Variants in SGSM1 observed in about 807,000 individuals in gnomAD.
SGSM1 encodes RUN and TBC1 domain containing 2.
A neutral mutation model predicts 133.8 loss-of-function variants in SGSM1; 73 were observed. The observed-to-expected ratio is 0.55, with a 90% CI of 0.45 to 0.66. The LOEUF is 0.66. SGSM1 is among the 30% of genes least tolerant of loss of function. SGSM1 has a pLI of 0.00. For synonymous variants in SGSM1, 563 were observed against 573.0 expected, an observed-to-expected ratio of 0.98 and a Z score of 0.25; for missense variants, 1,213 against 1,448.1, an observed-to-expected ratio of 0.84 and a Z score of 2.64.
intron 16 of SGSM1, among the ~76,000 whole-genome samples, chr22:24,891,417 G>A (rs1439235336): frequency 1.3e-5 from 2 of 152,304 alleles, no homozygotes; most frequent in African/African-American, 2.4e-5. Context: ...GGGAAGCATA[G>A]GAGCACCAGA....
At chr22:24,872,862 T>A (rs971434291) in intron 12 of SGSM1, among the ~76,000 whole-genome samples, 4 of 151,692 alleles carry the variant, frequency 2.6e-5, no homozygotes. Context: ...GAGGTTTTGG[T>A]GAGCCGAGAT....
At chr22:24,818,722 T>C (rs1394590139) in intron 2 of SGSM1, among the ~76,000 whole-genome samples, 2 of 152,136 alleles carry the variant, frequency 1.3e-5, no homozygotes, top group Non-Finnish European at 2.9e-5. Context: ...ACACTGGGTC[T>C]GTAACTCCCT....
At chr22:24,836,188 G>C (rs58044190) in intron 2 of SGSM1, among the ~76,000 whole-genome samples, 22,771 of 152,072 alleles carry the variant, frequency 0.15, 1,968 homozygotes, top group East Asian at 0.21. Context: ...CCTCTTATAA[G>C]TGGAATCATG....
chr22:24,871,939 G>A (rs1249462553), intron 12 of SGSM1, among the ~76,000 whole-genome samples: 2 of 152,176 alleles, frequency 1.3e-5, no homozygotes, highest in Admixed American at 1.3e-4. Context: ...GCCTAAATCA[G>A]AAGTCAACAA....
intron 8 of SGSM1, 131 bp downstream of exon 8, chr22:24,855,811 C>T (rs766947422): frequency 2.2e-4 from 283 of 1,303,904 alleles, no homozygotes; most frequent in Middle Eastern, 2.0e-3. Context: ...CACATCCACC[C>T]GCCCAACACT....
chr22:24,876,836 T>C (rs1336761846), intron 13 of SGSM1, 121 bp downstream of exon 13: 4 of 1,313,888 alleles, frequency 3.0e-6, no homozygotes, highest in African/African-American at 2.9e-5. Context: ...CAGGCAGATA[T>C]AGGTTAAATC....
intron 2 of SGSM1, among the ~76,000 whole-genome samples, chr22:24,831,079 T>C (rs1929093044): frequency 6.6e-6 from 1 of 152,044 alleles, no homozygotes; most frequent in Non-Finnish European, 1.5e-5. Flanking sequence ...CTCTATTGAC[T>C]TGGCCCAGAC....
At chr22:24,892,833 G>T (rs541643519) in intron 16 of SGSM1, among the ~76,000 whole-genome samples, 5 of 149,840 alleles carry the variant, frequency 3.3e-5, no homozygotes, top group South Asian at 2.1e-4. Context: ...CGGATCACGA[G>T]GTCAAGAGAT....
intron 22 of SGSM1, among the ~76,000 whole-genome samples, chr22:24,914,013 G>A (rs1381038683): frequency 6.7e-6 from 1 of 149,992 alleles, no homozygotes; most frequent in Admixed American, 6.6e-5. Flanking sequence ...AAAATTGGCC[G>A]GGTGCAGTGA....
chr22:24,874,356 A>C, intron 12 of SGSM1: 1 of 1,520,106 alleles, frequency 6.6e-7, no homozygotes, highest in Non-Finnish European at 8.8e-7. Context: ...CAGCTGTCTC[A>C]GTGTCCTGCC....
At chr22:24,868,981 A>G in intron 12 of SGSM1, 126 bp downstream of exon 12, 1 of 1,405,346 alleles carries the variant, frequency 7.1e-7, no homozygotes, top group Non-Finnish European at 9.5e-7. Context: ...CTGGAAACAG[A>G]AAGTCGGTTT....
At position 24,915,229 on chromosome 22, in the gene SGSM1, A is replaced by AAAATAAATAAATAAATAAATAAATAAAT. The variant is rs55876996; in HGVS notation, c.2929-2402_2929-2401insTAAATAAATAAATAAATAAATAAATAAA. ...GGGCGACAGAGCGAGACTCCGTCTC[A>AAAATAAATAAATAAATAAATAAATAAAT]AAATAAATAAATAAATAAATAAATA... On this transcript the variant is annotated intron_variant, in intron 22 of 24. Transcript: ENST00000400358. Among the ~76,000 whole-genome samples the AAAATAAATAAATAAATAAATAAATAAAT allele has an allele frequency of 2.0e-4, 30 of 151,190 alleles. 1 individual carries two copies. Among genetic ancestry groups the AAAATAAATAAATAAATAAATAAATAAAT allele is most frequent in the African/African-American group, 7.1e-4 (29 of 40,992 alleles).
Position 24,898,557 on chromosome 22 carries a change from T to G in SGSM1, c.2608T>G (p.Ser870Ala). Residue 870 changes from serine to alanine, a missense_variant and splice_region_variant, in exon 19 of 25, where the codon TCT becomes GCT. Ser to Ala is a moderately conservative substitution (Grantham distance 99). Transcript: ENST00000400358. ...SPVSSSGVTYSPELLDLYTVN... is the reference protein window; with the variant it reads ...SPVSSSGVTYAPELLDLYTVN... ...TGTGTCTTCCAGCGGCGTCACCTAC[T>G]CTGTAAGTCACCAGGACCCTCCGTT... 1 of 1,597,772 alleles carries G rather than the reference T, an allele frequency of 6.3e-7. No individual in the cohort carries two copies. The highest frequency in any genetic ancestry group is 1.7e-4 in the Middle Eastern group (1 of 5,924).
chr22:24,900,525 G>A (rs1315013995), intron 19 of SGSM1, among the ~76,000 whole-genome samples: 8 of 151,722 alleles, frequency 5.3e-5, no homozygotes, highest in African/African-American at 1.7e-4. Flanking sequence ...TCAGCCTCCC[G>A]AGTAGCTGGG....
chr22:24,901,946 C>T lies in SGSM1; in HGVS notation c.2724C>T (p.Asn908=). The change falls in exon 20 of 25, where the codon AAC becomes AAT. Residue 908 remains asparagine, a synonymous_variant. Coordinates refer to ENST00000400358, the MANE Select transcript of SGSM1 (RefSeq NM_001098497.3). ...CCGCCAACTTGGAGAAGCTGCGTAACATCATGTGCAGGTGGCTGGGGACAG... is the reference window on the plus strand; with the variant it reads ...CCGCCAACTTGGAGAAGCTGCGTAATATCATGTGCAGGTGGCTGGGGACAG... ...FTPANLEKLR[N]IMCSYIWQHI... is the part of the protein sequence containing the mutation. 7.2e-7 allele frequency: 1 copy of T among 1,383,066 alleles called. No homozygotes were observed. Among genetic ancestry groups the T allele is most frequent in the Non-Finnish European group, 9.6e-7 (1 of 1,041,550 alleles). The allele number at this position is 1,383,066 out of a possible 1,614,324, so 85.7% of individuals were successfully genotyped here.
chr22:24,815,963 T>C (rs1471106221), intron 2 of SGSM1, among the ~76,000 whole-genome samples: 2 of 152,138 alleles, frequency 1.3e-5, no homozygotes, highest in Non-Finnish European at 2.9e-5. Flanking sequence ...ACTGGGAGGG[T>C]CAGTTTCTAT....
chr22:24,899,187 T>C (rs557117267), intron 19 of SGSM1, among the ~76,000 whole-genome samples: 4 of 152,268 alleles, frequency 2.6e-5, no homozygotes, highest in African/African-American at 9.6e-5. Context: ...TTCCTAGATG[T>C]GTTTTCCTTT....
chr22:24,914,244 G>T (rs1261217624), intron 22 of SGSM1, among the ~76,000 whole-genome samples: 1 of 148,962 alleles, frequency 6.7e-6, no homozygotes, highest in Non-Finnish European at 1.5e-5. Context: ...AGTGAGCTGA[G>T]ATGGCGCCAC....
At chr22:24,849,481 A>G (rs1930331379) in intron 4 of SGSM1, among the ~76,000 whole-genome samples, 1 of 152,200 alleles carries the variant, frequency 6.6e-6, no homozygotes, top group South Asian at 2.1e-4. Context: ...TGAACCCAGG[A>G]GGCAGAGGTT....
Sources: allele counts gnomAD v4.1 joint callset (sites outside exome capture counted in the v4.1 genomes callset), GRCh38; gene constraint gnomAD v4.1.1; transcripts MANE v1.5; gene names NCBI Gene and HGNC (gene_info 2026-07-23, HGNC 2026-07-21).